The following AGBL3 variants were observed in gnomAD, a reference collection of about 807,000 sequenced individuals.
The protein encoded by AGBL3 is cytosolic carboxypeptidase 3.
A neutral mutation model predicts 94.5 loss-of-function variants in AGBL3; 68 were observed. That is an observed-to-expected ratio of 0.72 (90% confidence interval 0.59 to 0.88). The LOEUF (loss-of-function observed/expected upper bound fraction) is 0.88. Ranked by LOEUF, AGBL3 falls within the 40% of genes least tolerant of loss-of-function variation. AGBL3 has a pLI of 0.00. For synonymous variants in AGBL3, 354 were observed against 370.7 expected, an observed-to-expected ratio of 0.95 and a Z score of 0.52; for missense variants, 934 against 1,103.8, an observed-to-expected ratio of 0.85 and a Z score of 2.18.
chr7:135,109,453 A>C (rs1416666189), intron 15 of AGBL3, among the ~76,000 whole-genome samples: 1 of 119,618 alleles, frequency 8.4e-6, no homozygotes, highest in African/African-American at 2.8e-5. Context: ...GAAGAGATAC[A>C]GGATGGGGGC....
chr7:134,994,745 G>T (rs765433955), intron 4 of AGBL3, among the ~76,000 whole-genome samples: 7 of 152,206 alleles, frequency 4.6e-5, no homozygotes, highest in Admixed American at 6.5e-5. Flanking sequence ...TGGAGAGAGA[G>T]AAAGAACACT....
intron 16 of AGBL3, chr7:135,128,992 A>G: frequency 1.3e-6 from 2 of 1,594,600 alleles, no homozygotes; most frequent in Middle Eastern, 1.7e-4. Context: ...AGGCATGTGT[A>G]CTGCAAAGAC....
At chr7:135,117,242 A>C (rs916648777) in intron 16 of AGBL3, among the ~76,000 whole-genome samples, 4 of 151,062 alleles carry the variant, frequency 2.6e-5, no homozygotes, top group African/African-American at 9.7e-5. Context: ...CTCCATATTG[A>C]AATCTGACCT....
rs962900548 is a variant in AGBL3, at chr7:135,076,478, C to G, written c.1980+10C>G. The G allele has an allele frequency of 1.3e-6, 2 of 1,526,218 alleles. No individual in the cohort carries two copies. The highest frequency in any genetic ancestry group is 1.4e-5 in the African/African-American group (1 of 72,276). The allele number at this position is 1,526,218 out of a possible 1,614,324, so 94.5% of individuals were successfully genotyped here. On this transcript the variant is annotated intron_variant, in intron 13 of 16. Transcript: ENST00000436302. ...TGCCAGAGGACAAGAGGTAAATCTT[C>G]ATTAATCTAGTTATTAAGGTTTTTT...
At chr7:135,109,062 C>T (rs1446378886) in intron 15 of AGBL3, among the ~76,000 whole-genome samples, 1 of 152,064 alleles carries the variant, frequency 6.6e-6, no homozygotes, top group Non-Finnish European at 1.5e-5. Context: ...TTTATACTGC[C>T]TATTTTGTTT....
chr7:135,128,962 G>C, intron 16 of AGBL3: 1 of 1,580,848 alleles, frequency 6.3e-7, no homozygotes, highest in Non-Finnish European at 8.7e-7. Context: ...GGTAGTGAAT[G>C]CATGTACTTC....
intron 15 of AGBL3, among the ~76,000 whole-genome samples, chr7:135,097,311 T>C (rs1823053169): frequency 1.3e-5 from 2 of 152,154 alleles, no homozygotes. Flanking sequence ...GTGTATCAAG[T>C]GATACACTGA....
At chr7:135,131,450 A>G (rs1321976110) in intron 16 of AGBL3, among the ~76,000 whole-genome samples, 1 of 117,530 alleles carries the variant, frequency 8.5e-6, no homozygotes, top group Non-Finnish European at 1.9e-5. Context: ...AAATAAAGGA[A>G]ACAAAAATTA....
At position 135,135,096 on chromosome 7, in the gene AGBL3, T is replaced by C. The variant is rs1829281487; in HGVS notation, c.2598T>C (p.Phe866=). The change falls in exon 17 of 17, where the codon TTT becomes TTC. Residue 866 remains phenylalanine (F), a synonymous_variant. Coordinates refer to ENST00000436302, the MANE Select transcript of AGBL3 (RefSeq NM_178563.4). Reference sequence around the variant, plus strand: ...AGTGGGAGACTGCTTCTTCAAGCTTTGGAATGGATGCAAATGTTCTAAAAT... The same window carrying C: ...AGTGGGAGACTGCTTCTTCAAGCTTCGGAATGGATGCAAATGTTCTAAAAT... ...SSKWETASSS[F]GMDANVLKYK... The C allele has an allele frequency of 1.3e-6, 2 of 1,551,212 alleles. No individual in the cohort carries two copies. Among genetic ancestry groups the C allele is most frequent in the Non-Finnish European group, 1.7e-6 (2 of 1,146,666 alleles).
Position 134,988,093 on chromosome 7 carries a change from A to G in AGBL3, c.63+97A>G, listed in dbSNP as rs1350682241. Reference sequence around the variant, plus strand: ...TAAAATCAATTGGATATAAAAATCAATTGGATGTTTAAATTATTGTCATTG... The same window carrying G: ...TAAAATCAATTGGATATAAAAATCAGTTGGATGTTTAAATTATTGTCATTG... On this transcript the variant is annotated intron_variant, in intron 2 of 16. Coordinates refer to ENST00000436302, the MANE Select transcript of AGBL3 (RefSeq NM_178563.4). 3.1e-6 allele frequency: 3 copies of G among 960,782 alleles called. No homozygotes were observed. The East Asian group carries it at 8.4e-5, about 27-fold the overall frequency. The allele number at this position is 960,782 out of a possible 1,614,324, so 59.5% of individuals were successfully genotyped here.
intron 11 of AGBL3, among the ~76,000 whole-genome samples, chr7:135,049,908 C>T (rs1241603895): frequency 6.6e-6 from 1 of 151,274 alleles, no homozygotes; most frequent in African/African-American, 2.4e-5. Context: ...TATTTTGTTT[C>T]TGCTTTGATC....
At chr7:135,123,916 C>T (rs1291367269) in intron 16 of AGBL3, among the ~76,000 whole-genome samples, 1 of 152,118 alleles carries the variant, frequency 6.6e-6, no homozygotes, top group African/African-American at 2.4e-5. Flanking sequence ...AAAACAAAAA[C>T]CAGTACCAGC....
chr7:134,997,445 C>T (rs1242775164), intron 4 of AGBL3, among the ~76,000 whole-genome samples: 1 of 152,194 alleles, frequency 6.6e-6, no homozygotes, highest in African/African-American at 2.4e-5. Flanking sequence ...TTCTCCCAGC[C>T]ATAATGTGAG....
chr7:135,063,512 G>T (rs1819021957), intron 12 of AGBL3, among the ~76,000 whole-genome samples: 1 of 151,692 alleles, frequency 6.6e-6, no homozygotes, highest in African/African-American at 2.4e-5. Flanking sequence ...GGTGTTTATT[G>T]ATATGAACTT....
At chr7:135,088,951 A>C (rs1821552442) in intron 15 of AGBL3, among the ~76,000 whole-genome samples, 1 of 152,088 alleles carries the variant, frequency 6.6e-6, no homozygotes, top group South Asian at 2.1e-4. Context: ...TTATTTCAAG[A>C]AATTGGTTTT....
intron 1 of AGBL3, among the ~76,000 whole-genome samples, chr7:134,987,388 A>C (rs1215745796): frequency 2.0e-5 from 3 of 152,248 alleles, no homozygotes; most frequent in Admixed American, 2.0e-4. Context: ...ATTTCTAAGA[A>C]TAAGAATAAT....
intron 16 of AGBL3, among the ~76,000 whole-genome samples, chr7:135,133,531 A>G (rs1829081869): frequency 6.6e-6 from 1 of 152,206 alleles, no homozygotes; most frequent in African/African-American, 2.4e-5. Flanking sequence ...GAACTTTTAT[A>G]TAGCTAGAGT....
intron 12 of AGBL3, among the ~76,000 whole-genome samples, chr7:135,071,793 TA>T (rs1187255890): frequency 6.6e-6 from 1 of 152,138 alleles, no homozygotes; most frequent in Non-Finnish European, 1.5e-5. Context: ...ATGTTAGACC[TA>T]AAACCATAAA....
At chr7:134,987,521 A>T (rs1216578624) in intron 1 of AGBL3, among the ~76,000 whole-genome samples, 2 of 152,236 alleles carry the variant, frequency 1.3e-5, no homozygotes, top group African/African-American at 4.8e-5. Flanking sequence ...GCTACATTTC[A>T]GTAAGTGACT....
Sources: allele counts gnomAD v4.1 joint callset (sites outside exome capture counted in the v4.1 genomes callset), GRCh38; gene constraint gnomAD v4.1.1; transcripts MANE v1.5; gene names NCBI Gene and HGNC (gene_info 2026-07-23, HGNC 2026-07-21).